CAMTA1: variants seen among roughly 807,000 people sequenced by gnomAD.
The protein encoded by CAMTA1 is calmodulin-binding transcription activator 1.
CAMTA1 carries 27 observed loss-of-function variants against 170.9 expected under a neutral mutation model. That is an observed-to-expected ratio of 0.16 (90% CI 0.12 to 0.22). CAMTA1 has a LOEUF of 0.22. Ranked by LOEUF, CAMTA1 falls within the 10% of genes least tolerant of loss-of-function variation. The pLI is 1.00. For missense variants in CAMTA1, 1,619 were observed against 2,217.2 expected (o/e 0.73, Z 5.42); for synonymous variants, 833 against 891.5 (o/e 0.93, Z 1.17).
chr1:7,230,091 G>T (rs955952200), intron 4 of CAMTA1, among the ~76,000 whole-genome samples: 5 of 152,138 alleles, frequency 3.3e-5, no homozygotes, highest in African/African-American at 1.2e-4. Flanking sequence ...GGAGCACCCA[G>T]AAAGCCGGTT....
intron 4 of CAMTA1, among the ~76,000 whole-genome samples, chr1:7,245,474 T>G (rs1292911735): frequency 2.6e-5 from 4 of 151,920 alleles, no homozygotes; most frequent in African/African-American, 9.7e-5. Context: ...ATATACGATA[T>G]CTTTCTTGGC....
chr1:6,804,277 C>G (rs1014082975), intron 1 of CAMTA1, among the ~76,000 whole-genome samples: 1 of 151,396 alleles, frequency 6.6e-6, no homozygotes, highest in East Asian at 1.9e-4. Flanking sequence ...CTTGGCCTCC[C>G]GAAGTGCTGG....
intron 5 of CAMTA1, among the ~76,000 whole-genome samples, chr1:7,294,681 G>C (rs1449617167): frequency 6.6e-6 from 1 of 152,198 alleles, no homozygotes; most frequent in African/African-American, 2.4e-5. Context: ...ATTAACGAAT[G>C]GGCATTGTGA....
At chr1:7,212,548 C>G (rs1481557862) in intron 4 of CAMTA1, among the ~76,000 whole-genome samples, 1 of 152,138 alleles carries the variant, frequency 6.6e-6, no homozygotes, top group Non-Finnish European at 1.5e-5. Context: ...CTTTCTATTT[C>G]AAGACAACTG....
chr1:7,535,506 C>T (rs2094539017), intron 6 of CAMTA1, among the ~76,000 whole-genome samples: 1 of 152,198 alleles, frequency 6.6e-6, no homozygotes, highest in Admixed American at 6.5e-5. Context: ...GAGCATGGCC[C>T]AGTCACCCGC....
chr1:7,052,482 C>T (rs1040597429), intron 3 of CAMTA1, among the ~76,000 whole-genome samples: 12 of 152,200 alleles, frequency 7.9e-5, no homozygotes, highest in African/African-American at 2.9e-4. Context: ...CACGCCTCAA[C>T]ACCAGAATCC....
At chr1:7,558,278 T>C (rs2094907850) in intron 6 of CAMTA1, among the ~76,000 whole-genome samples, 1 of 152,208 alleles carries the variant, frequency 6.6e-6, no homozygotes. Flanking sequence ...CCTGTGGGAC[T>C]GGATTCAATA....
At chr1:7,707,620 AC>A (rs2096536929) in intron 11 of CAMTA1, among the ~76,000 whole-genome samples, 1 of 151,738 alleles carries the variant, frequency 6.6e-6, no homozygotes, top group Non-Finnish European at 1.5e-5. Context: ...CAAGTGATCC[AC>A]CCGCCTTTGC....
chr1:6,951,939 G>A (rs1192188898), intron 3 of CAMTA1, among the ~76,000 whole-genome samples: 3 of 152,150 alleles, frequency 2.0e-5, no homozygotes, highest in Admixed American at 6.5e-5. Flanking sequence ...GTTGCGTTCC[G>A]TCTCTGGGTC....
At chr1:7,660,135 T>C (rs555994677) in intron 7 of CAMTA1, among the ~76,000 whole-genome samples, 2 of 152,334 alleles carry the variant, frequency 1.3e-5, no homozygotes, top group Admixed American at 1.3e-4. Flanking sequence ...AGTGCAATGG[T>C]GCAATCTCGG....
chr1:7,751,495 T>G (rs2096897067), intron 20 of CAMTA1, 103 bp downstream of exon 20: 1 of 968,272 alleles, frequency 1.0e-6, no homozygotes, highest in South Asian at 1.9e-5. Flanking sequence ...GGGGTGGGCC[T>G]AAAGCATTGG....
chr1:7,461,935 CA>C (rs1294431790), intron 5 of CAMTA1, among the ~76,000 whole-genome samples: 1 of 152,258 alleles, frequency 6.6e-6, no homozygotes, highest in East Asian at 1.9e-4. Context: ...ACGCCTGGGC[CA>C]TGCTCCCCTT....
At chr1:7,246,278 G>T (rs6577425) in intron 4 of CAMTA1, among the ~76,000 whole-genome samples, 76,156 of 152,076 alleles carry the variant, frequency 0.5, 20,924 homozygotes, top group South Asian at 0.63. Flanking sequence ...TAGGGTGGGT[G>T]CAAGGATGCC....
rs143214341 is a variant in CAMTA1, at chr1:7,067,541, C to G, written c.235-23763C>G. ...ATTCATTCAACAAATATTTGAGTAT[C>G]TGCTGCATGCTGGGAACCATGTTCC... On this transcript the variant is annotated intron_variant, in intron 3 of 22. Coordinates refer to ENST00000303635, the MANE Select transcript of CAMTA1 (RefSeq NM_015215.4). The surrounding 1 kb of genome is among the most constrained non-coding windows in gnomAD (Gnocchi z 4.3). 2.6e-5 allele frequency among the ~76,000 whole-genome samples: 4 copies of G among 152,276 alleles called. No homozygotes were observed. Among genetic ancestry groups the G allele is most frequent in the Admixed American group, 6.5e-5 (1 of 15,298 alleles).
At chr1:7,546,395 G>A (rs1034797346) in intron 6 of CAMTA1, among the ~76,000 whole-genome samples, 2 of 152,142 alleles carry the variant, frequency 1.3e-5, no homozygotes, top group African/African-American at 4.8e-5. Flanking sequence ...TTAAAATCCA[G>A]TTTATCATTG....
At chr1:7,279,381 C>G (rs1018817988) in intron 5 of CAMTA1, among the ~76,000 whole-genome samples, 3 of 152,150 alleles carry the variant, frequency 2.0e-5, no homozygotes, top group Non-Finnish European at 4.4e-5. Flanking sequence ...TGGTGAGTTT[C>G]TTCTCCCTGT....
intron 3 of CAMTA1, among the ~76,000 whole-genome samples, chr1:6,950,054 G>A (rs943616284): frequency 1.4e-4 from 22 of 152,238 alleles, no homozygotes; most frequent in Non-Finnish European, 2.6e-4. Context: ...CCAAGGAAGG[G>A]TGAATCTGTG....
At chr1:7,569,909 G>A (rs2095105442) in intron 6 of CAMTA1, among the ~76,000 whole-genome samples, 1 of 152,174 alleles carries the variant, frequency 6.6e-6, no homozygotes, top group African/African-American at 2.4e-5. Flanking sequence ...CCATCGTCAG[G>A]TCCCCTTAGT....
At chr1:6,856,480 G>T (rs952114826) in intron 3 of CAMTA1, among the ~76,000 whole-genome samples, 1 of 152,106 alleles carries the variant, frequency 6.6e-6, no homozygotes, top group Non-Finnish European at 1.5e-5. Flanking sequence ...TGATAGGACA[G>T]TCAGTCATTC....
Sources: gnomAD v4.1 joint callset for allele counts (sites outside exome capture counted in the v4.1 genomes callset) on GRCh38, gnomAD v4.1.1 for gene constraint, Gnocchi (gnomAD v3.1) non-coding constraint, MANE v1.5 for transcripts, NCBI Gene and HGNC (gene_info 2026-07-23, HGNC 2026-07-21) for gene names.